The following SLX9 variants were observed in gnomAD, a reference collection of about 807,000 sequenced individuals.
The protein encoded by SLX9 is SLX9 ribosome biogenesis factor.
Under a neutral mutation model 20.8 loss-of-function variants are expected in SLX9, and 19 were observed. The ratio of observed to expected loss-of-function variants is 0.91; its 90% CI spans 0.64 to 1.34. The LOEUF is 1.34. SLX9 is among the 40% of genes most tolerant of loss of function. The probability of loss-of-function intolerance (pLI) is 0.00; values close to 1 mark genes in which losing one functional copy is unlikely to be tolerated. For synonymous variants in SLX9, 113 were observed against 137.1 expected (o/e 0.82, Z 1.23); for missense variants, 299 against 322.2 (o/e 0.93, Z 0.55).
At chr21:44,973,026 G>GGACGGTCAGGCAGTTGCTCTGCTT in intron 4 of SLX9, 171 bp from the exon 5 acceptor site, 1 of 730,356 alleles carries the variant, frequency 1.4e-6, no homozygotes, top group Non-Finnish European at 2.3e-6. Flanking sequence ...TGCTTGTCCA[G>GGACGGTCAGGCAGTTGCTCTGCTT]GTCTCGCCTC....
chr21:44,957,013 C>T (rs553953293), intron 2 of SLX9, among the ~76,000 whole-genome samples: 31 of 152,370 alleles, frequency 2.0e-4, no homozygotes, highest in East Asian at 3.9e-4. Context: ...CTCCAGAGCA[C>T]GGGCCCTGGC....
At chr21:44,953,352 C>T (rs1018453353) in intron 2 of SLX9, among the ~76,000 whole-genome samples, 2 of 152,222 alleles carry the variant, frequency 1.3e-5, no homozygotes, top group Non-Finnish European at 2.9e-5. Context: ...GGCCCCCAGA[C>T]TAGCTGAACC....
chr21:44,939,965 C>A (rs1440728470), upstream of SLX9: 18 of 1,297,662 alleles, frequency 1.4e-5, no homozygotes, highest in Non-Finnish European at 1.7e-5. Context: ...GCGGGGCTCC[C>A]GGCAGCCGCG....
chr21:44,973,103 G>C, intron 4 of SLX9, 94 bp from the exon 5 acceptor site: 1 of 1,419,866 alleles, frequency 7.0e-7, no homozygotes, highest in Non-Finnish European at 9.9e-7. Flanking sequence ...CCACCACGAC[G>C]TCTGCTCTAA....
chr21:44,965,962 A>C (rs189470182), intron 3 of SLX9, among the ~76,000 whole-genome samples: 2 of 151,196 alleles, frequency 1.3e-5, no homozygotes, highest in Non-Finnish European at 3.0e-5. Context: ...TACCTTATAA[A>C]CCCCCGTGAT....
At chr21:44,972,101 TG>T (rs1437258297) in intron 4 of SLX9, among the ~76,000 whole-genome samples, 1 of 152,164 alleles carries the variant, frequency 6.6e-6, no homozygotes, top group Non-Finnish European at 1.5e-5. Context: ...GAATAAAAGA[TG>T]AAGTCTCCTG....
At chr21:44,976,229 A>G (rs935674598) in intron 5 of SLX9, among the ~76,000 whole-genome samples, 3 of 152,132 alleles carry the variant, frequency 2.0e-5, no homozygotes, top group African/African-American at 4.8e-5. Context: ...CGTGGCACCC[A>G]TCTGGGGCTG....
intron 2 of SLX9, among the ~76,000 whole-genome samples, chr21:44,945,286 G>A (rs1453620210): frequency 2.6e-5 from 4 of 152,232 alleles, no homozygotes; most frequent in African/African-American, 9.6e-5. Flanking sequence ...GAGAGAAGCT[G>A]TGCCTTCCAG....
intron 3 of SLX9, among the ~76,000 whole-genome samples, chr21:44,965,823 TGAAGGAGCCATCTG>T (rs1258054317): frequency 1.3e-5 from 2 of 152,098 alleles, no homozygotes; most frequent in African/African-American, 2.4e-5. Context: ...CTGCAGCCTG[TGAAGGAGCCATCTG>T]GCCTGGCCCG....
chr21:44,976,946 T>A lies in SLX9; in HGVS notation c.*143T>A. On this transcript the variant is annotated 3_prime_UTR_variant, in exon 6 of 6. Coordinates refer to ENST00000291634, the MANE Select transcript of SLX9 (RefSeq NM_058190.4). ...GGGCTCAATAAATGGCTCTGTGAAC[T>A]TCCCCTGCACTGCCAGGGCCGTTCC... is the stretch of plus-strand genomic sequence containing the variant. 1 of 1,185,264 alleles carries A rather than the reference T, an allele frequency of 8.4e-7. No individual in the cohort carries two copies. The highest frequency in any genetic ancestry group is 1.2e-6 in the Non-Finnish European group (1 of 848,852). 73.4% of individuals were successfully genotyped at this position (1,185,264 alleles called of 1,614,324 possible).
chr21:44,970,916 C>A (rs891721922), intron 4 of SLX9, among the ~76,000 whole-genome samples: 7 of 152,248 alleles, frequency 4.6e-5, no homozygotes, highest in African/African-American at 1.7e-4. Flanking sequence ...AATCCCCTGT[C>A]CTGGCGCCCT....
chr21:44,973,212 G>GC lies in SLX9; in HGVS notation c.520dup (p.Arg174ProfsTer86), dbSNP rs745468225. On this transcript the variant is annotated frameshift_variant, in exon 5 of 6. Transcript: ENST00000291634. LOFTEE classifies it high-confidence loss of function. ...GTGTCCACAGCAGGGAGAGCAACAAGCCCCGGCCCTCAGAGCTCAGCCGGA... is the reference window on the plus strand; with the variant it reads ...GTGTCCACAGCAGGGAGAGCAACAAGCCCCCGGCCCTCAGAGCTCAGCCGGA... 6 of 1,613,140 alleles carry GC rather than the reference G, an allele frequency of 3.7e-6. No homozygotes were observed. The South Asian group carries it at 6.6e-5, about 18-fold the overall frequency.
At chr21:44,971,686 G>GT (rs2123458464) in intron 4 of SLX9, among the ~76,000 whole-genome samples, 1 of 80,364 alleles carries the variant, frequency 1.2e-5, no homozygotes, top group African/African-American at 5.2e-5. Flanking sequence ...TGGCACCAGG[G>GT]TGCACCTAGA....
At chr21:44,967,256 G>C (rs529505700) in intron 4 of SLX9, 75 bp downstream of exon 4, 13 of 1,500,150 alleles carry the variant, frequency 8.7e-6, no homozygotes, top group South Asian at 2.7e-5. Flanking sequence ...GATATGAGTG[G>C]GAGCCACGGG....
chr21:44,956,892 G>A (rs79637556), intron 2 of SLX9, among the ~76,000 whole-genome samples: 4,034 of 152,326 alleles, frequency 0.026, 68 homozygotes, highest in Non-Finnish European at 0.043. Flanking sequence ...TACCGCGTCT[G>A]TTCCCGGGGC....
intron 2 of SLX9, among the ~76,000 whole-genome samples, chr21:44,956,996 A>G (rs371443335): frequency 3.3e-5 from 5 of 152,306 alleles, no homozygotes; most frequent in Middle Eastern, 6.8e-3. Flanking sequence ...TGTACCTGGA[A>G]TTGCAGCTCC....
chr21:44,945,969 A>G (rs2084635139), intron 2 of SLX9, among the ~76,000 whole-genome samples: 1 of 152,052 alleles, frequency 6.6e-6, no homozygotes, highest in South Asian at 2.1e-4. Context: ...TCTTGACCTC[A>G]GAGATCTGCC....
chr21:44,964,807 A>G (rs1416739027), intron 3 of SLX9, among the ~76,000 whole-genome samples: 1 of 152,228 alleles, frequency 6.6e-6, no homozygotes, highest in African/African-American at 2.4e-5. Context: ...TTTCTAATCC[A>G]GTCGAGTGGC....
Position 44,940,141 on chromosome 21 carries a change from C to T in SLX9, c.84C>T (p.Pro28=). The change falls in exon 1 of 6, where the codon CCC becomes CCT. Residue 28 remains proline (P), a synonymous_variant. Transcript: ENST00000291634. ...PKGEAAPGPA[P]PAPEATPPPA... Reference sequence around the variant, plus strand: ...GGGAGGCCGCCCCCGGCCCCGCGCCCCCTGCCCCGGAGGCGACCCCTCCGC... The same window carrying T: ...GGGAGGCCGCCCCCGGCCCCGCGCCTCCTGCCCCGGAGGCGACCCCTCCGC... The T allele has an allele frequency of 3.0e-6, 4 of 1,334,608 alleles. No homozygotes were observed. Among genetic ancestry groups the T allele is most frequent in the East Asian group, 3.1e-5 (1 of 31,936 alleles). 82.7% of individuals were successfully genotyped at this position (1,334,608 alleles called of 1,614,324 possible).
Sources: allele counts gnomAD v4.1 joint callset (sites outside exome capture counted in the v4.1 genomes callset), GRCh38; gene constraint gnomAD v4.1.1; transcripts MANE v1.5; gene names NCBI Gene and HGNC (gene_info 2026-07-23, HGNC 2026-07-21).